SUCLG2: variants seen among roughly 807,000 people sequenced by gnomAD.
The protein encoded by SUCLG2 is succinate--CoA ligase [GDP-forming] subunit beta, mitochondrial.
A neutral mutation model predicts 47.9 loss-of-function variants in SUCLG2; 42 were observed. The observed-to-expected ratio is 0.88, with a 90% CI of 0.69 to 1.14. SUCLG2 has a LOEUF of 1.14. SUCLG2 is among the 50% of genes most tolerant of loss of function. The probability of loss-of-function intolerance (pLI) is 0.00; values close to 1 mark genes in which losing one functional copy is unlikely to be tolerated. For missense variants in SUCLG2, 571 were observed against 525.9 expected, an observed-to-expected ratio of 1.09 and a Z score of -0.84; for synonymous variants, 195 against 197.3, an observed-to-expected ratio of 0.99 and a Z score of 0.10.
intron 6 of SUCLG2, among the ~76,000 whole-genome samples, chr3:67,514,991 G>A (rs764559845): frequency 5.9e-5 from 9 of 152,100 alleles, no homozygotes; most frequent in Non-Finnish European, 8.8e-5. Flanking sequence ...TGTCCCTCAC[G>A]AAGTATTGCC....
intron 9 of SUCLG2, among the ~76,000 whole-genome samples, chr3:67,416,009 G>A (rs1703032576): frequency 6.6e-6 from 1 of 152,328 alleles, no homozygotes; most frequent in Middle Eastern, 3.4e-3. Context: ...TATCCAGCAA[G>A]GAACCAAGGC....
intron 10 of SUCLG2, among the ~76,000 whole-genome samples, chr3:67,396,769 C>T (rs1170431460): frequency 6.6e-6 from 1 of 152,142 alleles, no homozygotes; most frequent in Admixed American, 6.5e-5. Context: ...TGCAAAAATC[C>T]TCAATAAAAT....
intron 2 of SUCLG2, among the ~76,000 whole-genome samples, chr3:67,567,173 A>T (rs1255466366): frequency 6.6e-6 from 1 of 151,948 alleles, no homozygotes; most frequent in Non-Finnish European, 1.5e-5. Flanking sequence ...ACAGAGTAAG[A>T]GCCTGTCTCA....
At chr3:67,373,060 C>G (rs1701974502), downstream of SUCLG2, among the ~76,000 whole-genome samples, 1 of 152,120 alleles carries the variant, frequency 6.6e-6, no homozygotes, top group Non-Finnish European at 1.5e-5. Flanking sequence ...TATGAAAGAA[C>G]ATATCCTTTT....
chr3:67,453,086 A>G (rs1684000074), intron 9 of SUCLG2, among the ~76,000 whole-genome samples: 1 of 152,092 alleles, frequency 6.6e-6, no homozygotes, highest in Non-Finnish European at 1.5e-5. Flanking sequence ...TCTTCAGCAT[A>G]TTTCTCTTCT....
intron 8 of SUCLG2, among the ~76,000 whole-genome samples, chr3:67,496,167 C>A (rs1012030395): frequency 2.0e-5 from 3 of 152,158 alleles, no homozygotes; most frequent in South Asian, 2.1e-4. Context: ...GAATGAGGAA[C>A]AGGATGTATT....
At chr3:67,585,606 G>A (rs982243611) in intron 2 of SUCLG2, among the ~76,000 whole-genome samples, 1 of 152,144 alleles carries the variant, frequency 6.6e-6, no homozygotes, top group Non-Finnish European at 1.5e-5. Context: ...CACCAGGAAT[G>A]TACATATCAC....
In SUCLG2 at chr3:67,379,730, C is replaced by G. The variant is rs145890008; in HGVS notation, c.1184-3871G>C. Among the ~76,000 whole-genome samples, 237 of 152,340 alleles carry G rather than the reference C, an allele frequency of 1.6e-3. 1 individual carries two copies. The highest frequency in any genetic ancestry group is 5.4e-3 in the African/African-American group (224 of 41,578). On this transcript the variant is annotated intron_variant, in intron 10 of 10. Coordinates refer to ENST00000307227, the MANE Select transcript of SUCLG2 (RefSeq NM_003848.4). The stretch of plus-strand genomic sequence containing the variant: ...AGCTCTGTTGGGCTGACACCTCTCT[C>G]CACTGGGCTGACACCCATTCATTCA...
chr3:67,612,123 C>T (rs1700538069), intron 1 of SUCLG2, among the ~76,000 whole-genome samples: 1 of 152,106 alleles, frequency 6.6e-6, no homozygotes. Flanking sequence ...TCTTGAGAGG[C>T]GGAGGCAGGA....
intron 9 of SUCLG2, among the ~76,000 whole-genome samples, chr3:67,439,532 A>T (rs1703707053): frequency 6.6e-6 from 1 of 152,228 alleles, no homozygotes; most frequent in Non-Finnish European, 1.5e-5. Context: ...CAACTTCAGC[A>T]AAGTCTGAGG....
intron 1 of SUCLG2, among the ~76,000 whole-genome samples, chr3:67,649,839 C>A (rs1008820656): frequency 3.3e-5 from 5 of 152,170 alleles, no homozygotes; most frequent in African/African-American, 1.2e-4. Context: ...GACAAATGAT[C>A]TGAGGTTACT....
chr3:67,429,663 C>T (rs1304817689), intron 9 of SUCLG2, among the ~76,000 whole-genome samples: 1 of 152,012 alleles, frequency 6.6e-6, no homozygotes, highest in African/African-American at 2.4e-5. Flanking sequence ...GCAAATTGGA[C>T]AAAGAGTCAA....
chr3:67,420,583 C>T (rs1463298009), intron 9 of SUCLG2, among the ~76,000 whole-genome samples: 2 of 152,128 alleles, frequency 1.3e-5, no homozygotes, highest in Non-Finnish European at 2.9e-5. Flanking sequence ...TATGTTCTTT[C>T]TCTGTTAATT....
intron 1 of SUCLG2, among the ~76,000 whole-genome samples, chr3:67,642,527 T>C (rs1055463755): frequency 6.6e-6 from 1 of 152,100 alleles, no homozygotes; most frequent in Non-Finnish European, 1.5e-5. Context: ...AGAGGATTCA[T>C]TGTGCCCAGA....
Position 67,419,704 on chromosome 3 carries a change from C to T in SUCLG2, c.1063-18853G>A, listed in dbSNP as rs538480118. Among the ~76,000 whole-genome samples the T allele has an allele frequency of 3.9e-5, 6 of 152,190 alleles. No individual in the cohort carries two copies. In the East Asian group the frequency reaches 1.2e-3, roughly 29 times the overall value. ...CTCCTCCTTGTCAAAAATAAGGCTT[C>T]TCCAAATAAGTGTCAAACTATTATG... On this transcript the variant is annotated intron_variant, in intron 9 of 10. Coordinates refer to ENST00000307227, the MANE Select transcript of SUCLG2 (RefSeq NM_003848.4).
At chr3:67,588,485 A>G (rs1409673116) in intron 2 of SUCLG2, among the ~76,000 whole-genome samples, 2 of 152,236 alleles carry the variant, frequency 1.3e-5, no homozygotes, top group African/African-American at 4.8e-5. Flanking sequence ...ACATGAAACA[A>G]TAAGTCAACA....
intron 10 of SUCLG2, among the ~76,000 whole-genome samples, chr3:67,365,911 T>A (rs975064804): frequency 6.6e-6 from 1 of 152,202 alleles, no homozygotes; most frequent in Non-Finnish European, 1.5e-5. Context: ...TTTGAAAACA[T>A]GAATCAATCC....
At chr3:67,507,966 C>T (rs1705683687) in intron 7 of SUCLG2, among the ~76,000 whole-genome samples, 1 of 151,734 alleles carries the variant, frequency 6.6e-6, no homozygotes, top group African/African-American at 2.4e-5. Context: ...CCTTACCACA[C>T]ACACATTTAC....
At chr3:67,395,255 A>C (rs1202580814) in intron 10 of SUCLG2, among the ~76,000 whole-genome samples, 1 of 152,122 alleles carries the variant, frequency 6.6e-6, no homozygotes. Flanking sequence ...AAGACCCATC[A>C]GTGTGCTGTA....
Sources: gnomAD v4.1 joint callset for allele counts (sites outside exome capture counted in the v4.1 genomes callset) on GRCh38, gnomAD v4.1.1 for gene constraint, MANE v1.5 for transcripts, NCBI Gene and HGNC (gene_info 2026-07-23, HGNC 2026-07-21) for gene names.